Variants in TRIM14 observed in about 807,000 individuals in gnomAD.
TRIM14 encodes tripartite motif containing 14.
TRIM14 carries 28 observed loss-of-function variants against 44.5 expected under a neutral mutation model. That is an observed-to-expected ratio of 0.63 (90% CI 0.47 to 0.86). The LOEUF is 0.86. Ranked by LOEUF, TRIM14 falls within the 40% of genes least tolerant of loss-of-function variation. The pLI is 0.00. For missense variants in TRIM14, 607 were observed against 611.1 expected (o/e 0.99, Z 0.07); for synonymous variants, 299 against 269.2 (o/e 1.11, Z -1.08).
At chr9:98,066,183 T>G (rs1210637000), downstream of TRIM14, among the ~76,000 whole-genome samples, 1 of 152,194 alleles carries the variant, frequency 6.6e-6, no homozygotes, top group African/African-American at 2.4e-5. Flanking sequence ...CAGTGACAAT[T>G]AAAAACAATA....
At chr9:98,108,984 C>T (rs1826732846) in intron 2 of TRIM14, among the ~76,000 whole-genome samples, 1 of 150,502 alleles carries the variant, frequency 6.6e-6, no homozygotes, top group Admixed American at 6.7e-5. Flanking sequence ...CTCAAGCGAT[C>T]TTCCCACCCC....
At chr9:98,103,921 C>T (rs1826501656) in intron 2 of TRIM14, among the ~76,000 whole-genome samples, 1 of 151,920 alleles carries the variant, frequency 6.6e-6, no homozygotes, top group Non-Finnish European at 1.5e-5. Flanking sequence ...CAGAATGAAC[C>T]CAGCACCCAG....
intron 3 of TRIM14, among the ~76,000 whole-genome samples, chr9:98,096,403 G>A (rs546069963): frequency 3.3e-5 from 5 of 152,280 alleles, no homozygotes; most frequent in African/African-American, 1.2e-4. Context: ...CCGGGGAGGC[G>A]AGAGGGGGCT....
rs1024608965 is a variant in TRIM14, at chr9:98,087,896, G to C, written c.903C>G (p.Pro301=). The change falls in exon 6 of 6, where the codon CCC becomes CCG. Residue 301 remains proline (P), a synonymous_variant. Coordinates refer to ENST00000341469, the MANE Select transcript of TRIM14 (RefSeq NM_014788.4). ...GCCAGAGCGCGTCGAACCGCAGCACGGGCACGGGCCCCAGGCTGCCCAGCA... is the reference window on the plus strand; with the variant it reads ...GCCAGAGCGCGTCGAACCGCAGCACCGGCACGGGCCCCAGGCTGCCCAGCA... The part of the protein sequence containing the change: ...CGLLGSLGPV[P]VLRFDALWQV... 1.3e-6 allele frequency: 2 copies of C among 1,569,798 alleles called. No homozygotes were observed. Among genetic ancestry groups the C allele is most frequent in the Non-Finnish European group, 1.7e-6 (2 of 1,168,086 alleles).
chr9:98,102,624 G>A lies in TRIM14; in HGVS notation c.304-2460C>T, dbSNP rs184744462. On this transcript the variant is annotated intron_variant, in intron 2 of 5. Coordinates refer to ENST00000341469, the MANE Select transcript of TRIM14 (RefSeq NM_014788.4). ...TCATTCCGCTTATGTGAAACATCTA[G>A]ACCAGGCAAATTTATAGAGACAGAA... Among the ~76,000 whole-genome samples the A allele has an allele frequency of 2.6e-5, 4 of 152,256 alleles. No individual in the cohort carries two copies. In the East Asian group the frequency reaches 7.7e-4, roughly 29 times the overall value.
chr9:98,044,368 CTTTTTTTTTTT>C, the TRIM14 span, among the ~76,000 whole-genome samples: 2 of 110,504 alleles, frequency 1.8e-5, no homozygotes, highest in African/African-American at 3.6e-5. Flanking sequence ...TGCCCTTTCT[CTTTTTTTTTTT>C]TTTTTTTTTT....
downstream of TRIM14, among the ~76,000 whole-genome samples, chr9:98,067,259 C>G (rs190162781): frequency 3.9e-5 from 6 of 152,124 alleles, no homozygotes; most frequent in Non-Finnish European, 7.3e-5. Context: ...CATTTCTCTT[C>G]GGTATTACAT....
At chr9:98,070,864 G>T in intron 6 of TRIM14, among the ~76,000 whole-genome samples, 1 of 149,614 alleles carries the variant, frequency 6.7e-6, no homozygotes, top group Non-Finnish European at 1.5e-5. Flanking sequence ...GAGAGTAGCA[G>T]CACAATCATA....
At chr9:98,090,812 C>T (rs1270699358) in intron 5 of TRIM14, among the ~76,000 whole-genome samples, 2 of 152,180 alleles carry the variant, frequency 1.3e-5, no homozygotes, top group East Asian at 3.9e-4. Context: ...GATCCACCTG[C>T]CTTGGGTTCC....
rs143383418 is a variant in TRIM14, at chr9:98,103,122, T to C, written c.304-2958A>G. 2.0e-3 allele frequency among the ~76,000 whole-genome samples: 299 copies of C among 151,720 alleles called. 1 individual carries two copies. The highest frequency in any genetic ancestry group is 6.6e-3 in the African/African-American group (275 of 41,376). On this transcript the variant is annotated intron_variant, in intron 2 of 5. Coordinates refer to ENST00000341469, the MANE Select transcript of TRIM14 (RefSeq NM_014788.4). ...ATTGCTTGAACCCAGGAGGCGGAGG[T>C]TGCAGTGAGCCGAGATCATGCCACT...
chr9:98,047,788 G>A, the TRIM14 span, among the ~76,000 whole-genome samples: 64 of 152,104 alleles, frequency 4.2e-4, no homozygotes, highest in Non-Finnish European at 6.2e-4. Flanking sequence ...GAAATGAGCC[G>A]GGCGTGGTTC....
rs1488313360 is a variant in TRIM14, at chr9:98,084,714, G to C, written c.*2756C>G. On this transcript the variant is annotated 3_prime_UTR_variant, in exon 6 of 6. Coordinates refer to ENST00000341469, the MANE Select transcript of TRIM14 (RefSeq NM_014788.4). ...AGACAAGAGTCTTGCTCTGTCCCCA[G>C]GCTGGAGTGCAGTGGTGCAATCTCA... 6.6e-6 allele frequency: 1 copy of C among 152,142 alleles called. No homozygotes were observed. The highest frequency in any genetic ancestry group is 1.5e-5 in the Non-Finnish European group (1 of 68,066). The allele number at this position is 152,142 out of a possible 1,614,324, so 9.4% of individuals were successfully genotyped here. A position where few individuals can be genotyped will look rare whatever the true frequency, so the allele number is the denominator to read the frequency against.
At chr9:98,060,840 G>A in the TRIM14 span, 30 of 1,614,012 alleles carry the variant, frequency 1.9e-5, no homozygotes, top group Middle Eastern at 1.6e-4. Flanking sequence ...AAGTTTAATC[G>A]GAAAGCCTTG....
Position 98,119,024 on chromosome 9 carries a change from G to A in TRIM14, c.165C>T (p.Gly55=). The A allele has an allele frequency of 6.4e-7, 1 of 1,570,354 alleles. No homozygotes were observed. The highest frequency in any genetic ancestry group is 1.4e-5 in the African/African-American group (1 of 71,776). ...CCTCCAGCGCCAGGCCCACAGGGTG[G>A]CCACGGTGCGCGCCCAGCACCGGGC... The part of the protein sequence containing the change: ...ALCPVLGAHR[G]HPVGLALEAA... Residue 55 remains glycine (G), a synonymous_variant, in exon 1 of 6, where the codon GGC becomes GGT. Transcript: ENST00000341469.
intron 6 of TRIM14, among the ~76,000 whole-genome samples, chr9:98,073,604 C>T (rs1394181394): frequency 6.9e-5 from 10 of 145,384 alleles, no homozygotes; most frequent in South Asian, 2.2e-4. Context: ...TTTTTTTTTT[C>T]CAATCCTGAA....
At chr9:98,056,234 T>A in the TRIM14 span, among the ~76,000 whole-genome samples, 1 of 152,164 alleles carries the variant, frequency 6.6e-6, no homozygotes, top group Non-Finnish European at 1.5e-5. Context: ...CTATACGTCA[T>A]CTCACAGTTC....
chr9:98,090,207 A>G (rs1484814096), intron 5 of TRIM14, among the ~76,000 whole-genome samples: 2 of 152,248 alleles, frequency 1.3e-5, no homozygotes, highest in Admixed American at 1.3e-4. Flanking sequence ...ATGCTTATTT[A>G]CACAAAAACC....
chr9:98,051,015 C>A, the TRIM14 span, among the ~76,000 whole-genome samples: 2 of 152,122 alleles, frequency 1.3e-5, no homozygotes, highest in African/African-American at 2.4e-5. Flanking sequence ...CTCAAGTGAT[C>A]CACCTGCCTT....
At chr9:98,078,492 G>A (rs1364030512) in intron 6 of TRIM14, 6 of 1,147,398 alleles carry the variant, frequency 5.2e-6, no homozygotes, top group African/African-American at 1.6e-5. Flanking sequence ...AATCAAATTC[G>A]AGCTAAGCAG....
Sources: gnomAD v4.1 joint callset for allele counts (sites outside exome capture counted in the v4.1 genomes callset) on GRCh38, gnomAD v4.1.1 for gene constraint, MANE v1.5 for transcripts, NCBI Gene and HGNC (gene_info 2026-07-23, HGNC 2026-07-21) for gene names.